The following KCNH1 variants were observed in gnomAD, a reference collection of about 807,000 sequenced individuals.
KCNH1 encodes the protein potassium voltage-gated channel subfamily H member 1, also known as voltage-gated delayed rectifier potassium channel KCNH1.
Under a neutral mutation model 69.2 loss-of-function variants are expected in KCNH1, and 27 were observed. That is an observed-to-expected ratio of 0.39 (90% confidence interval 0.29 to 0.54). KCNH1 has a LOEUF of 0.54. Ranked by LOEUF, KCNH1 falls within the 20% of genes least tolerant of loss-of-function variation. The pLI is 0.68. For missense variants in KCNH1, 798 were observed against 1,261.6 expected (o/e 0.63, Z 5.57); for synonymous variants, 456 against 487.7 (o/e 0.93, Z 0.86).
At chr1:211,015,074 G>T (rs1689468677) in intron 6 of KCNH1, among the ~76,000 whole-genome samples, 1 of 152,110 alleles carries the variant, frequency 6.6e-6, no homozygotes, top group African/African-American at 2.4e-5. Flanking sequence ...CTATGCCTGG[G>T]AAACTGCTGG....
intron 5 of KCNH1, among the ~76,000 whole-genome samples, chr1:211,043,763 C>A (rs751743970): frequency 2.6e-5 from 4 of 152,120 alleles, no homozygotes; most frequent in Non-Finnish European, 5.9e-5. Flanking sequence ...GGTTCCATAC[C>A]AGGGATGCAG....
At chr1:211,067,107 T>C (rs1292423723) in intron 5 of KCNH1, among the ~76,000 whole-genome samples, 1 of 152,102 alleles carries the variant, frequency 6.6e-6, no homozygotes, top group Non-Finnish European at 1.5e-5. Context: ...CATGGAGTGA[T>C]CCCAGGCAGA....
In KCNH1 at chr1:210,856,698, TA is replaced by T. The variant is rs541936746; in HGVS notation, c.1463-52533del. 1.7e-3 allele frequency among the ~76,000 whole-genome samples: 254 copies of T among 149,542 alleles called. 3 individuals carry two copies. Among genetic ancestry groups the T allele is most frequent in the African/African-American group, 5.9e-3 (238 of 40,610 alleles). On this transcript the variant is annotated intron_variant, in intron 7 of 10. Transcript: ENST00000271751. The stretch of plus-strand genomic sequence containing the variant: ...CTCATGCTAGAACTTCCCATCAAGA[TA>T]AACTAATCTTGGTAATGGTTCTTAC...
intron 10 of KCNH1, among the ~76,000 whole-genome samples, chr1:210,765,493 C>T (rs1249572813): frequency 6.6e-5 from 10 of 152,194 alleles, no homozygotes; most frequent in Admixed American, 6.5e-4. Context: ...GGATCAGAAG[C>T]AAATTATTTA....
intron 6 of KCNH1, among the ~76,000 whole-genome samples, chr1:210,955,799 T>G (rs1471073719): frequency 6.6e-6 from 1 of 152,216 alleles, no homozygotes. Flanking sequence ...AAGGAGATTT[T>G]GGGCTGAGAT....
intron 5 of KCNH1, among the ~76,000 whole-genome samples, chr1:211,055,865 C>A (rs149829072): frequency 9.4e-4 from 143 of 152,294 alleles, no homozygotes; most frequent in African/African-American, 1.9e-3. Flanking sequence ...GTAGGCTTCA[C>A]TATGTGCTGA....
At chr1:211,005,355 T>A (rs1296291205) in intron 6 of KCNH1, among the ~76,000 whole-genome samples, 4 of 152,094 alleles carry the variant, frequency 2.6e-5, no homozygotes, top group African/African-American at 9.6e-5. Flanking sequence ...ATAAAAACGT[T>A]AAAATTCATT....
chr1:210,743,206 A>T (rs992975973), intron 10 of KCNH1, among the ~76,000 whole-genome samples: 1 of 152,018 alleles, frequency 6.6e-6, no homozygotes, highest in Non-Finnish European at 1.5e-5. Context: ...AGTAGGTGTC[A>T]GGAGAGGCAC....
chr1:210,783,208 C>T (rs1684025648), intron 9 of KCNH1, among the ~76,000 whole-genome samples: 1 of 152,200 alleles, frequency 6.6e-6, no homozygotes, highest in Non-Finnish European at 1.5e-5. Context: ...TCGTGGTCTC[C>T]ATGCTGGCAA....
intron 7 of KCNH1, among the ~76,000 whole-genome samples, chr1:210,871,509 C>T (rs1203705364): frequency 4.6e-5 from 7 of 152,156 alleles, no homozygotes; most frequent in Non-Finnish European, 8.8e-5. Flanking sequence ...CCTCAGGGAT[C>T]TAGAACTAGA....
chr1:210,699,206 G>A (rs1681715379), intron 10 of KCNH1, among the ~76,000 whole-genome samples: 2 of 152,212 alleles, frequency 1.3e-5, no homozygotes, highest in Non-Finnish European at 2.9e-5. Flanking sequence ...GGCATCCCCA[G>A]TGCTCAATAA....
At chr1:210,725,717 T>G (rs551376329) in intron 10 of KCNH1, among the ~76,000 whole-genome samples, 1 of 152,276 alleles carries the variant, frequency 6.6e-6, no homozygotes, top group South Asian at 2.1e-4. Flanking sequence ...CTTCAGAAAA[T>G]GGCTTTCTAG....
At chr1:210,999,368 A>G (rs952489550) in intron 6 of KCNH1, among the ~76,000 whole-genome samples, 2 of 152,232 alleles carry the variant, frequency 1.3e-5, no homozygotes, top group Admixed American at 6.5e-5. Context: ...AACTACCATC[A>G]GAGAATACTA....
At chr1:211,065,434 T>C (rs577157816) in intron 5 of KCNH1, among the ~76,000 whole-genome samples, 3 of 152,002 alleles carry the variant, frequency 2.0e-5, no homozygotes, top group African/African-American at 7.2e-5. Flanking sequence ...CTAAAAAAAG[T>C]TGAATAGAAG....
intron 5 of KCNH1, among the ~76,000 whole-genome samples, chr1:211,051,651 G>A (rs1275084760): frequency 6.6e-6 from 1 of 152,164 alleles, no homozygotes; most frequent in African/African-American, 2.4e-5. Context: ...AGCTAGTTGA[G>A]GCTAGAGAGG....
At chr1:211,079,948 G>T (rs912304768) in intron 5 of KCNH1, among the ~76,000 whole-genome samples, 20 of 152,194 alleles carry the variant, frequency 1.3e-4, no homozygotes, top group Admixed American at 1.1e-3. Context: ...ATTCAACATA[G>T]TGTTGGAAGT....
At chr1:210,755,581 TCA>T (rs1683381555) in intron 10 of KCNH1, among the ~76,000 whole-genome samples, 1 of 152,210 alleles carries the variant, frequency 6.6e-6, no homozygotes, top group Non-Finnish European at 1.5e-5. Context: ...CTAGCCCAGC[TCA>T]CAGTTTGAGG....
intron 6 of KCNH1, among the ~76,000 whole-genome samples, chr1:210,935,671 T>C (rs2102581712): frequency 6.6e-6 from 1 of 152,346 alleles, no homozygotes; most frequent in Middle Eastern, 3.4e-3. Flanking sequence ...CTACCTCACA[T>C]TTCAAATAAT....
rs1465036386 is a variant in KCNH1, at chr1:210,861,235, G to A, written c.1463-57069C>T. On this transcript the variant is annotated intron_variant, in intron 7 of 10. Transcript: ENST00000271751. ...ATGGAAAAATAACATCTTGGATAATGCCTTGTATATGGGGCTTCAGATTCT... is the reference window on the plus strand; with the variant it reads ...ATGGAAAAATAACATCTTGGATAATACCTTGTATATGGGGCTTCAGATTCT... 13 of 973,634 alleles carry A rather than the reference G, an allele frequency of 1.3e-5. No individual in the cohort carries two copies. The East Asian group carries it at 3.1e-4, about 23-fold the overall frequency. 60.3% of individuals were successfully genotyped at this position (973,634 alleles called of 1,614,324 possible).
Sources: allele counts gnomAD v4.1 joint callset (sites outside exome capture counted in the v4.1 genomes callset), GRCh38; gene constraint gnomAD v4.1.1; transcripts MANE v1.5; gene names NCBI Gene and HGNC (gene_info 2026-07-23, HGNC 2026-07-21).